The following THSD7A variants were observed in gnomAD, a reference collection of about 807,000 sequenced individuals.
The protein encoded by THSD7A is thrombospondin type-1 domain-containing protein 7A.
A neutral mutation model predicts 231.3 loss-of-function variants in THSD7A; 96 were observed. That is an observed-to-expected ratio of 0.41 (90% CI 0.35 to 0.49). The LOEUF (loss-of-function observed/expected upper bound fraction) is 0.49. THSD7A is among the 20% of genes least tolerant of loss of function. The pLI, the probability that THSD7A is intolerant of heterozygous loss-of-function variation, is 0.05. For missense variants in THSD7A, 2,290 were observed against 2,070.2 expected (o/e 1.11, Z -2.06); for synonymous variants, 940 against 743.3 (o/e 1.26, Z -4.30).
chr7:11,417,297 G>T (rs1242822898), intron 17 of THSD7A, among the ~76,000 whole-genome samples, 153 bp downstream of exon 17: 1 of 152,206 alleles, frequency 6.6e-6, no homozygotes, highest in East Asian at 1.9e-4. Flanking sequence ...GTCATAGAAT[G>T]ATGTGGCAGA....
chr7:11,552,162 G>A (rs1383172318), intron 4 of THSD7A, among the ~76,000 whole-genome samples: 1 of 152,026 alleles, frequency 6.6e-6, no homozygotes, highest in African/African-American at 2.4e-5. Context: ...CTACCTGAGG[G>A]TGTAAGGTGG....
At chr7:11,595,691 C>T (rs1437626692) in intron 2 of THSD7A, among the ~76,000 whole-genome samples, 1 of 152,158 alleles carries the variant, frequency 6.6e-6, no homozygotes, top group Non-Finnish European at 1.5e-5. Context: ...TTTGTGAGGG[C>T]AGCACCTGCA....
chr7:11,635,105 T>C (rs1458778433), intron 2 of THSD7A, among the ~76,000 whole-genome samples: 2 of 152,234 alleles, frequency 1.3e-5, no homozygotes, highest in East Asian at 3.9e-4. Flanking sequence ...AGAAAAACAA[T>C]CCAGCTGTTC....
intron 1 of THSD7A, among the ~76,000 whole-genome samples, chr7:11,747,596 T>C (rs1441911862): frequency 6.6e-6 from 1 of 151,950 alleles, no homozygotes; most frequent in Non-Finnish European, 1.5e-5. Context: ...TGGATGCTTA[T>C]AAATGGATAT....
chr7:11,505,561 TA>T, intron 6 of THSD7A, among the ~76,000 whole-genome samples: 1 of 151,994 alleles, frequency 6.6e-6, no homozygotes, highest in Non-Finnish European at 1.5e-5. Flanking sequence ...ACATCTAAAT[TA>T]AAAGGAGGCA....
chr7:11,474,190 T>A lies in THSD7A; in HGVS notation c.2252+144A>T. 3.1e-6 allele frequency: 2 copies of A among 653,866 alleles called. No homozygotes were observed. Among genetic ancestry groups the A allele is most frequent in the East Asian group, 5.8e-5 (2 of 34,708 alleles). 40.5% of individuals were successfully genotyped at this position (653,866 alleles called of 1,614,324 possible). ...AAGCTGTTATAGCTTTATCAGTGGC[T>A]GACTTTCAAAACAAACAAATCTTGC... On this transcript the variant is annotated intron_variant, in intron 8 of 27. Coordinates refer to ENST00000423059, the MANE Select transcript of THSD7A (RefSeq NM_015204.3). This position sits in a 1 kb window ranked among gnomAD's most constrained non-coding sequence, Gnocchi z 4.1.
chr7:11,468,715 T>G (rs1785810114), intron 9 of THSD7A, among the ~76,000 whole-genome samples: 1 of 152,070 alleles, frequency 6.6e-6, no homozygotes, highest in African/African-American at 2.4e-5. Flanking sequence ...GTGCCTATAG[T>G]CTCAGTGACT....
At chr7:11,682,743 C>A (rs1405886779) in intron 1 of THSD7A, among the ~76,000 whole-genome samples, 1 of 152,004 alleles carries the variant, frequency 6.6e-6, no homozygotes, top group African/African-American at 2.4e-5. Flanking sequence ...AAATTTGACA[C>A]TTGACCAACT....
At chr7:11,392,917 G>A (rs972832440) in intron 23 of THSD7A, among the ~76,000 whole-genome samples, 1 of 151,972 alleles carries the variant, frequency 6.6e-6, no homozygotes, top group African/African-American at 2.4e-5. Context: ...CATCTCCCTG[G>A]GATAGGATAG....
intron 1 of THSD7A, among the ~76,000 whole-genome samples, chr7:11,800,833 T>C (rs1404038974): frequency 2.0e-5 from 3 of 152,188 alleles, no homozygotes; most frequent in African/African-American, 7.2e-5. Flanking sequence ...TAGTTAACAA[T>C]GCAGTGTTGT....
intron 4 of THSD7A, among the ~76,000 whole-genome samples, chr7:11,545,102 CAT>C (rs1789323413): frequency 6.6e-6 from 1 of 152,050 alleles, no homozygotes; most frequent in Admixed American, 6.5e-5. Flanking sequence ...CTTTTAAAGA[CAT>C]GTATAGGCAG....
At chr7:11,646,274 C>A (rs1302554777) in intron 1 of THSD7A, among the ~76,000 whole-genome samples, 2 of 151,988 alleles carry the variant, frequency 1.3e-5, no homozygotes, top group African/African-American at 4.8e-5. Flanking sequence ...ATAATTACTA[C>A]AACCAAAAAA....
At chr7:11,628,104 A>G (rs1248798797) in intron 2 of THSD7A, among the ~76,000 whole-genome samples, 4 of 152,124 alleles carry the variant, frequency 2.6e-5, no homozygotes, top group Admixed American at 2.0e-4. Context: ...ATACTTTTAT[A>G]ATAGCAAATG....
chr7:11,514,212 T>C (rs1787934426), intron 6 of THSD7A, among the ~76,000 whole-genome samples: 1 of 152,202 alleles, frequency 6.6e-6, no homozygotes, highest in Admixed American at 6.5e-5. Context: ...TTTTTCTTCA[T>C]AACACTTATC....
At chr7:11,559,285 TATG>T (rs1304134574) in intron 4 of THSD7A, among the ~76,000 whole-genome samples, 4 of 152,180 alleles carry the variant, frequency 2.6e-5, no homozygotes, top group Admixed American at 6.6e-5. Flanking sequence ...TACAGAACTG[TATG>T]ATAAGGTGTG....
At chr7:11,769,151 A>ATTTTTTTTTTTTTT (rs1422492872) in intron 1 of THSD7A, among the ~76,000 whole-genome samples, 4 of 35,488 alleles carry the variant, frequency 1.1e-4, no homozygotes, top group African/African-American at 8.8e-5. Context: ...ATATATATAT[A>ATTTTTTTTTTTTTT]TATTTTTTTT....
intron 4 of THSD7A, among the ~76,000 whole-genome samples, chr7:11,581,614 A>G (rs1791169930): frequency 6.6e-6 from 1 of 152,050 alleles, no homozygotes; most frequent in Admixed American, 6.6e-5. Context: ...TCATTGAACA[A>G]TATCAATTTG....
intron 1 of THSD7A, among the ~76,000 whole-genome samples, chr7:11,706,849 A>G (rs981268310): frequency 2.0e-5 from 3 of 150,568 alleles, no homozygotes; most frequent in African/African-American, 7.3e-5. Context: ...CAAATGAGTC[A>G]TTAGTCATCT....
intron 16 of THSD7A, among the ~76,000 whole-genome samples, chr7:11,421,017 AG>A (rs1283243587): frequency 6.6e-6 from 1 of 152,226 alleles, no homozygotes; most frequent in African/African-American, 2.4e-5. Context: ...TAGATTTTAC[AG>A]GTTCACAGGC....
Sources: gnomAD v4.1 joint callset for allele counts (sites outside exome capture counted in the v4.1 genomes callset) on GRCh38, gnomAD v4.1.1 for gene constraint, Gnocchi (gnomAD v3.1) non-coding constraint, MANE v1.5 for transcripts, NCBI Gene and HGNC (gene_info 2026-07-23, HGNC 2026-07-21) for gene names.